The following PADI6 variants were observed in gnomAD, a reference collection of about 807,000 sequenced individuals.
PADI6 encodes peptidyl arginine deiminase 6.
Under a neutral mutation model 78.2 loss-of-function variants are expected in PADI6, and 66 were observed. That is an observed-to-expected ratio of 0.84 (90% confidence interval 0.69 to 1.04). PADI6 has a LOEUF of 1.04. Ranked by LOEUF, PADI6 falls within the 50% of genes least tolerant of loss-of-function variation. The pLI, the probability that PADI6 is intolerant of heterozygous loss-of-function variation, is 0.00. For missense variants in PADI6, 854 were observed against 866.1 expected (o/e 0.99, Z 0.18); for synonymous variants, 397 against 346.9 (o/e 1.14, Z -1.60).
intron 2 of PADI6, among the ~76,000 whole-genome samples, chr1:17,373,755 G>T (rs957020005): frequency 6.6e-6 from 1 of 152,164 alleles, no homozygotes; most frequent in Admixed American, 6.6e-5. Context: ...ACCTCCCAAA[G>T]TGCTGGGATT....
At chr1:17,382,584 C>T (rs566197934) in intron 6 of PADI6, among the ~76,000 whole-genome samples, 1 of 152,334 alleles carries the variant, frequency 6.6e-6, no homozygotes, top group East Asian at 1.9e-4. Flanking sequence ...CTTCAGCCCT[C>T]CTCTCCTGGG....
chr1:17,373,519 C>G (rs1200383186), intron 2 of PADI6, among the ~76,000 whole-genome samples: 2 of 136,982 alleles, frequency 1.5e-5, no homozygotes, highest in South Asian at 2.3e-4. Flanking sequence ...TTTTTTGAGT[C>G]TCACGCTCAT....
At chr1:17,394,828 G>A (rs1460404216) in intron 11 of PADI6, 123 bp from the exon 12 acceptor site, 4 of 1,188,182 alleles carry the variant, frequency 3.4e-6, no homozygotes, top group Admixed American at 5.6e-5. Flanking sequence ...CATCCGCTAT[G>A]GACCGGCCTC....
At chr1:17,377,122 G>A (rs1327729395) in intron 3 of PADI6, among the ~76,000 whole-genome samples, 3 of 151,944 alleles carry the variant, frequency 2.0e-5, no homozygotes, top group Non-Finnish European at 2.9e-5. Flanking sequence ...CTACAGGCAC[G>A]CACCACCATG....
chr1:17,394,192 G>T (rs1031826474), intron 10 of PADI6, 108 bp from the exon 11 acceptor site: 9 of 1,423,376 alleles, frequency 6.3e-6, no homozygotes, highest in Non-Finnish European at 8.4e-6. Context: ...GGCCTCTGAG[G>T]GGGGAGGGGA....
rs1462113371 is a variant in PADI6, at chr1:17,400,203, CAAACCA to C, written c.1852-998_1852-993del. ...CAAACCAAGACCTTGTCTGATAAAC[CAAACCA>C]AAAAAAAAAAAAAACATTCTGGGGC... is the stretch of plus-strand genomic sequence containing the variant. On this transcript the variant is annotated intron_variant, in intron 15 of 15. Transcript: ENST00000619609. Among the ~76,000 whole-genome samples the C allele has an allele frequency of 1.1e-4, 11 of 99,696 alleles. No homozygotes were observed. In the East Asian group the frequency reaches 2.7e-3, roughly 24 times the overall value. 65.4% of individuals were successfully genotyped at this position (99,696 alleles called of 152,430 possible). A position where few individuals can be genotyped will look rare whatever the true frequency, so the allele number is the denominator to read the frequency against.
At chr1:17,375,371 G>A in intron 2 of PADI6, 56 bp from the exon 3 acceptor site, 1 of 1,508,806 alleles carries the variant, frequency 6.6e-7, no homozygotes, top group Non-Finnish European at 9.1e-7. Context: ...CTGGGGCTCT[G>A]TTCCTGGCAC....
At chr1:17,375,338 C>T (rs2075004495) in intron 2 of PADI6, 89 bp from the exon 3 acceptor site, 1 of 1,221,250 alleles carries the variant, frequency 8.2e-7, no homozygotes, top group Non-Finnish European at 1.2e-6. Flanking sequence ...ACCAAGATCC[C>T]ACGCCTAGAC....
rs1395781362 is a variant in PADI6, at chr1:17,386,612, G to A, written c.680-1769G>A. 2.0e-5 allele frequency among the ~76,000 whole-genome samples: 3 copies of A among 152,236 alleles called. No individual in the cohort carries two copies. In the South Asian group the frequency reaches 6.2e-4, roughly 32 times the overall value. ...ACTGCCTTGTCTGGTCTTGCCCCAT[G>A]AGGCCTGGCTCAGGGCTGGTGAAGC... On this transcript the variant is annotated intron_variant, in intron 6 of 15. Coordinates refer to ENST00000619609, the MANE Select transcript of PADI6 (RefSeq NM_207421.4).
chr1:17,394,487 AGGAAGGGACCAT>A (rs2075225591), intron 11 of PADI6, 33 bp downstream of exon 11: 2 of 1,604,514 alleles, frequency 1.2e-6, no homozygotes, highest in Admixed American at 3.4e-5. Context: ...TCCAAATGAA[AGGAAGGGACCAT>A]GGTCGTTCCC....
At chr1:17,396,789 G>T (rs2075251309) in intron 13 of PADI6, among the ~76,000 whole-genome samples, 1 of 152,212 alleles carries the variant, frequency 6.6e-6, no homozygotes, top group Non-Finnish European at 1.5e-5. Flanking sequence ...CAAGCTCTAG[G>T]CTGTGTCCCT....
At chr1:17,393,308 G>T (rs1267016864) in intron 9 of PADI6, among the ~76,000 whole-genome samples, 2 of 152,114 alleles carry the variant, frequency 1.3e-5, no homozygotes, top group Non-Finnish European at 2.9e-5. Flanking sequence ...GGAATGAAAG[G>T]TTATAGTTCA....
chr1:17,394,256 C>T (rs770860771), intron 10 of PADI6, 44 bp from the exon 11 acceptor site: 5 of 1,603,654 alleles, frequency 3.1e-6, no homozygotes, highest in Non-Finnish European at 4.3e-6. Context: ...GGCCTAAAGC[C>T]ATCCCCTACT....
chr1:17,395,494 T>C (rs1374570488), intron 12 of PADI6, 46 bp from the exon 13 acceptor site: 4 of 1,543,216 alleles, frequency 2.6e-6, no homozygotes, highest in African/African-American at 2.7e-5. Context: ...TGAGCCACCA[T>C]GTCCAGCTGA....
At chr1:17,388,333 G>T (rs183813683) in intron 6 of PADI6, 48 bp from the exon 7 acceptor site, 2 of 1,508,362 alleles carry the variant, frequency 1.3e-6, no homozygotes, top group Non-Finnish European at 1.8e-6. Flanking sequence ...AAATGTGACC[G>T]GCACCAGGTT....
intron 2 of PADI6, among the ~76,000 whole-genome samples, chr1:17,375,065 G>A (rs1355429322): frequency 6.6e-6 from 1 of 152,192 alleles, no homozygotes; most frequent in Non-Finnish European, 1.5e-5. Flanking sequence ...GTTTAGCAGG[G>A]AGGATGTATA....
intron 2 of PADI6, among the ~76,000 whole-genome samples, chr1:17,374,995 A>G (rs1164307113): frequency 6.6e-6 from 1 of 152,180 alleles, no homozygotes; most frequent in Non-Finnish European, 1.5e-5. Flanking sequence ...TTAAGCCACC[A>G]GAGGCCTGTT....
chr1:17,387,495 T>G (rs2075133530), intron 6 of PADI6, among the ~76,000 whole-genome samples: 2 of 151,330 alleles, frequency 1.3e-5, no homozygotes, highest in East Asian at 2.0e-4. Context: ...ACACCTGTAA[T>G]CCCAGCACTT....
chr1:17,397,231 GA>G, intron 14 of PADI6, 90 bp downstream of exon 14: 13 of 1,441,330 alleles, frequency 9.0e-6, no homozygotes, highest in Non-Finnish European at 1.3e-5. Flanking sequence ...CCTGAGGGGT[GA>G]AGTGTTGGGC....
Sources: allele counts gnomAD v4.1 joint callset (sites outside exome capture counted in the v4.1 genomes callset), GRCh38; gene constraint gnomAD v4.1.1; transcripts MANE v1.5; gene names NCBI Gene and HGNC (gene_info 2026-07-23, HGNC 2026-07-21).